The following ZNFX1 variants were observed in gnomAD, a reference collection of about 807,000 sequenced individuals.
ZNFX1 encodes the protein NFX1-type zinc finger-containing protein 1.
Under a neutral mutation model 179.8 loss-of-function variants are expected in ZNFX1, and 78 were observed. The ratio of observed to expected loss-of-function variants is 0.43; its 90% CI spans 0.36 to 0.52. ZNFX1 has a LOEUF of 0.52. Among genes scored for constraint, ZNFX1 ranks in the 20% least tolerant of loss-of-function variants. The probability of loss-of-function intolerance (pLI) is 0.00; values close to 1 mark genes in which losing one functional copy is unlikely to be tolerated. For synonymous variants in ZNFX1, 848 were observed against 868.5 expected (o/e 0.98, Z 0.42); for missense variants, 1,927 against 2,386.6 (o/e 0.81, Z 4.01).
chr20:49,261,965 C>T (rs540622867), intron 6 of ZNFX1, among the ~76,000 whole-genome samples: 1 of 150,954 alleles, frequency 6.6e-6, no homozygotes, highest in East Asian at 2.0e-4. Context: ...ACAAGTTTAC[C>T]TACGTAACAA....
rs539437752 is a variant in ZNFX1 at position 49,270,130 on chromosome 20, A to G, written c.1682T>C (p.Ile561Thr). 11 of 1,614,186 alleles carry G rather than the reference A, an allele frequency of 6.8e-6. No homozygotes were observed. The highest frequency in any genetic ancestry group is 1.6e-4 in the Middle Eastern group (1 of 6,062). ...MGGRYDFTPL[I>T]ENPSATGEFL... ...TTCCCCAGTGGCTGAAGGATTCTCT[A>G]TTAAGGGGGTAAAGTCGTATCTGCC... is the stretch of plus-strand genomic sequence containing the variant. Residue 561 changes from isoleucine to threonine, a missense_variant, in exon 3 of 14, where the codon ATA (isoleucine) becomes ACA (threonine). Coordinates refer to ENST00000396105, the MANE Select transcript of ZNFX1 (RefSeq NM_021035.3). The surrounding 1 kb of genome is among the most constrained non-coding windows in gnomAD (Gnocchi z 4.6).
rs189920045 is a variant in ZNFX1 at position 49,264,569 on chromosome 20, G to A, written c.2151+147C>T. The A allele has an allele frequency of 4.3e-3, 4,088 of 961,030 alleles. 37 individuals carry two copies. Among genetic ancestry groups the A allele is most frequent in the South Asian group, 0.012 (751 of 61,038 alleles). The allele number at this position is 961,030 out of a possible 1,614,324, so 59.5% of individuals were successfully genotyped here. ...AAGGCAAAGGTCATACCAAGGGATT[G>A]GCAGAATAGAATGCTGAAAGGAACC... On this transcript the variant is annotated intron_variant, in intron 5 of 13. Transcript: ENST00000396105.
Position 49,247,287 on chromosome 20 carries a change from C to T in ZNFX1, c.5737G>A (p.Glu1913Lys), listed in dbSNP as rs1980701559. 6.2e-7 allele frequency: 1 copy of T among 1,610,246 alleles called. No homozygotes were observed. The highest frequency in any genetic ancestry group is 1.3e-5 in the African/African-American group (1 of 74,894). ...DTANNLMNFE[E>K]IQGMM ...TCTTCCTACATCATCCCCTGGATCT[C>T]CTCAAAGTTCATCAGGTTGTTGGCC... Residue 1913 changes from glutamate to lysine, a missense_variant, in exon 14 of 14, where the codon GAG becomes AAG. Transcript: ENST00000396105.
In ZNFX1 at chr20:49,263,429, G is replaced by T; in HGVS notation, c.2206C>A (p.Leu736Met). 6.2e-7 allele frequency: 1 copy of T among 1,610,734 alleles called. No individual in the cohort carries two copies. Among genetic ancestry groups the T allele is most frequent in the East Asian group, 2.2e-5 (1 of 44,756 alleles). The change falls in exon 6 of 14, where the codon CTG (leucine) becomes ATG (methionine). Residue 736 changes from leucine to methionine, a missense_variant. Transcript: ENST00000396105. ...EQELHEGAKT[L>M]ECTMRGVLRE... Reference sequence around the variant, plus strand: ...AGGACACCACGCATGGTGCACTCCAGGGTCTTGGCTCCTTCATGAAGCTCT... The same window carrying T: ...AGGACACCACGCATGGTGCACTCCATGGTCTTGGCTCCTTCATGAAGCTCT...
intron 6 of ZNFX1, among the ~76,000 whole-genome samples, chr20:49,262,634 AAG>A (rs1249082260): frequency 5.3e-5 from 8 of 152,250 alleles, no homozygotes; most frequent in African/African-American, 1.4e-4. Flanking sequence ...TGACCTCTGT[AAG>A]CTTTTGGTTT....
At position 49,249,708 on chromosome 20, in the gene ZNFX1, C is replaced by T. The variant is rs763383024; in HGVS notation, c.3316G>A (p.Val1106Met). The T allele has an allele frequency of 6.2e-7, 1 of 1,606,588 alleles. No homozygotes were observed. The change falls in exon 14 of 14, where the codon GTG (valine) becomes ATG (methionine). Residue 1106 changes from valine (V) to methionine (M), a missense_variant. Coordinates refer to ENST00000396105, the MANE Select transcript of ZNFX1 (RefSeq NM_021035.3). ...SVLKYEKIKG[V>M]SSNLFFVEHN... ...TCTACAAAGAAAAGGTTGGAAGACA[C>T]CCCCTGACAGGGAAAAGAAGTGACA...
intron 2 of ZNFX1, among the ~76,000 whole-genome samples, chr20:49,274,749 A>C (rs1169596865): frequency 6.6e-6 from 1 of 151,904 alleles, no homozygotes; most frequent in African/African-American, 2.4e-5. Context: ...ACAGAGCGAG[A>C]CTCCGTCTCA....
rs748571588 is a variant in ZNFX1, at chr20:49,271,377, G to A, written c.435C>T (p.Gly145=). The part of the protein sequence containing the change: ...TEQPQQAKKL[G]YKFLESLLQK... ...GCAGAAGACTTTCTAAGAACTTGTA[G>A]CCCAGTTTCTTCGCCTGCTGTGGCT... The change falls in exon 3 of 14, where the codon GGC becomes GGT. Residue 145 remains glycine, a synonymous_variant. Transcript: ENST00000396105. The A allele has an allele frequency of 1.2e-6, 2 of 1,614,170 alleles. No individual in the cohort carries two copies. Among genetic ancestry groups the A allele is most frequent in the Non-Finnish European group, 8.5e-7 (1 of 1,180,024 alleles).
At position 49,271,485 on chromosome 20, in the gene ZNFX1, G is replaced by A. The variant is rs770208817; in HGVS notation, c.327C>T (p.Asn109=). ...QENDTRWRNG[N]QDCRNRRPPW... ...GTGGTCTGCGGTTCCTACAGTCCTG[G>A]TTGCCATTTCTCCACCTGGTGTCAT... is the stretch of plus-strand genomic sequence containing the variant. The change falls in exon 3 of 14, where the codon AAC becomes AAT. Residue 109 remains asparagine (N), a synonymous_variant. Transcript: ENST00000396105. The A allele has an allele frequency of 1.2e-6, 2 of 1,614,126 alleles. No homozygotes were observed. The highest frequency in any genetic ancestry group is 1.1e-5 in the South Asian group (1 of 91,080).
chr20:49,268,930 T>C (rs898400859), intron 3 of ZNFX1, among the ~76,000 whole-genome samples: 1 of 152,260 alleles, frequency 6.6e-6, no homozygotes, highest in Non-Finnish European at 1.5e-5. Context: ...GTTCAGCCAC[T>C]GTGGAAAGTA....
chr20:49,249,210 T>C lies in ZNFX1; in HGVS notation c.3814A>G (p.Thr1272Ala). Reference protein sequence around the residue: ...LCCQNHPETHTLVSKASDFQK... With the variant: ...LCCQNHPETHALVSKASDFQK... Reference sequence around the variant, plus strand: ...AAGTCAGAAGCTTTGGATACTAAGGTGTGGGTTTCAGGGTGGTTCTGGCAG... The same window carrying C: ...AAGTCAGAAGCTTTGGATACTAAGGCGTGGGTTTCAGGGTGGTTCTGGCAG... The change falls in exon 14 of 14, where the codon ACC becomes GCC. Residue 1272 changes from threonine (T) to alanine (A), a missense_variant. Coordinates refer to ENST00000396105, the MANE Select transcript of ZNFX1 (RefSeq NM_021035.3). The C allele has an allele frequency of 6.2e-7, 1 of 1,614,092 alleles. No homozygotes were observed. Among genetic ancestry groups the C allele is most frequent in the Middle Eastern group, 1.6e-4 (1 of 6,062 alleles).
chr20:49,254,787 G>T (rs868239971), intron 9 of ZNFX1, 138 bp from the exon 10 acceptor site: 3 of 948,402 alleles, frequency 3.2e-6, no homozygotes, highest in Admixed American at 5.5e-5. Context: ...TACATTCAGG[G>T]ACCTAAGAAT....
At chr20:49,259,006 G>C (rs1321060427) in intron 7 of ZNFX1, among the ~76,000 whole-genome samples, 1 of 151,586 alleles carries the variant, frequency 6.6e-6, no homozygotes, top group East Asian at 1.9e-4. Flanking sequence ...GGAAGCTGAG[G>C]CAGGAGAATT....
chr20:49,266,106 T>C (rs777748240), intron 4 of ZNFX1, 29 bp downstream of exon 4: 1 of 1,600,632 alleles, frequency 6.2e-7, no homozygotes, highest in South Asian at 1.1e-5. Flanking sequence ...AACATCTTGA[T>C]AGAGAACAAA....
intron 8 of ZNFX1, 117 bp downstream of exon 8, chr20:49,257,300 G>C: frequency 2.1e-6 from 3 of 1,402,948 alleles, no homozygotes; most frequent in Non-Finnish European, 2.9e-6. Context: ...GGGGTAGGCT[G>C]TAATACAGGT....
intron 4 of ZNFX1, among the ~76,000 whole-genome samples, chr20:49,265,773 T>A (rs1360408320): frequency 6.6e-6 from 1 of 152,130 alleles, no homozygotes; most frequent in Non-Finnish European, 1.5e-5. Context: ...AAAGTCCACC[T>A]GAGAAGAGAG....
Position 49,246,625 on chromosome 20 carries a change from C to T in ZNFX1, c.*642G>A. The T allele has an allele frequency of 3.1e-6, 1 of 325,852 alleles. No homozygotes were observed. Among genetic ancestry groups the T allele is most frequent in the Non-Finnish European group, 6.1e-6 (1 of 164,160 alleles). 20.2% of individuals were successfully genotyped at this position (325,852 alleles called of 1,614,324 possible). ...GAGCTCATACTCTGTTCCTGGGGAACAATGTAGAATAAACATCTGACCAAG... is the reference window on the plus strand; with the variant it reads ...GAGCTCATACTCTGTTCCTGGGGAATAATGTAGAATAAACATCTGACCAAG... On this transcript the variant is annotated 3_prime_UTR_variant, in exon 14 of 14. Coordinates refer to ENST00000396105, the MANE Select transcript of ZNFX1 (RefSeq NM_021035.3).
chr20:49,270,884 G>A lies in ZNFX1; in HGVS notation c.928C>T (p.Arg310Ter), dbSNP rs1009014344. 3 of 1,614,038 alleles carry A rather than the reference G, an allele frequency of 1.9e-6. No homozygotes were observed. Among genetic ancestry groups the A allele is most frequent in the South Asian group, 1.1e-5 (1 of 91,076 alleles). Residue 310 changes from arginine (R) to a stop codon, truncating the protein, a stop_gained, in exon 3 of 14, where the codon CGA becomes TGA. Coordinates refer to ENST00000396105, the MANE Select transcript of ZNFX1 (RefSeq NM_021035.3). LOFTEE classifies it high-confidence loss of function. This position sits in a 1 kb window ranked among gnomAD's most constrained non-coding sequence, Gnocchi z 4.6. ...TIIEHLQEKR[R>*]EGTLRVDTYT... ...GTATCCACTCTCAAAGTGCCCTCTC[G>A]CCTCTTTTCCTGCAGATGTTCAATG...
intron 12 of ZNFX1, 99 bp downstream of exon 12, chr20:49,252,621 A>G: frequency 1.3e-6 from 1 of 751,900 alleles, no homozygotes; most frequent in Non-Finnish European, 2.3e-6. Context: ...TCAGTATTAA[A>G]TTATTTTTAT....
Sources: gnomAD v4.1 joint callset for allele counts (sites outside exome capture counted in the v4.1 genomes callset) on GRCh38, gnomAD v4.1.1 for gene constraint, Gnocchi (gnomAD v3.1) non-coding constraint, MANE v1.5 for transcripts, NCBI Gene and HGNC (gene_info 2026-07-23, HGNC 2026-07-21) for gene names.